Variants in GPR39 observed in about 807,000 individuals in gnomAD.
GPR39 encodes zinc sensing receptor.
A neutral mutation model predicts 18.4 loss-of-function variants in GPR39; 23 were observed. That is an observed-to-expected ratio of 1.25 (90% CI 0.90 to 1.77). The LOEUF is 1.77. GPR39 is among the 40% of genes most tolerant of loss of function. The pLI, the probability that GPR39 is intolerant of heterozygous loss-of-function variation, is 0.00. For synonymous variants in GPR39, 280 were observed against 257.9 expected (o/e 1.09, Z -0.82); for missense variants, 647 against 602.4 (o/e 1.07, Z -0.78).
Position 132,603,553 on chromosome 2 carries a change from G to A in GPR39, c.857-41548G>A, listed in dbSNP as rs570322471. ...TTCCCTACACAAAGAAATGAGAAAT[G>A]TTTGAGGTGATAAGCATGCTAATTT... On this transcript the variant is annotated intron_variant, in intron 1 of 1. Transcript: ENST00000329321. Among the ~76,000 whole-genome samples, 83 of 152,276 alleles carry A rather than the reference G, an allele frequency of 5.5e-4. No individual in the cohort carries two copies. The South Asian group carries it at 0.017, about 31-fold the overall frequency.
At chr2:132,513,266 A>T (rs563378499) in intron 1 of GPR39, among the ~76,000 whole-genome samples, 1 of 151,542 alleles carries the variant, frequency 6.6e-6, no homozygotes, top group East Asian at 2.0e-4. Flanking sequence ...CACTAAAGCC[A>T]GTGCAGAATC....
chr2:132,582,244 G>A (rs1036928046), intron 1 of GPR39, among the ~76,000 whole-genome samples: 1 of 152,230 alleles, frequency 6.6e-6, no homozygotes, highest in African/African-American at 2.4e-5. Flanking sequence ...CACATGCAGG[G>A]AAGAGGCTGG....
chr2:132,452,510 G>T (rs1484953846), intron 1 of GPR39, among the ~76,000 whole-genome samples: 1 of 151,550 alleles, frequency 6.6e-6, no homozygotes, highest in Non-Finnish European at 1.5e-5. Context: ...TAAGTTCTAG[G>T]GTACATGTGC....
At chr2:132,428,463 T>TGA (rs1680167949) in intron 1 of GPR39, among the ~76,000 whole-genome samples, 1 of 152,204 alleles carries the variant, frequency 6.6e-6, no homozygotes, top group African/African-American at 2.4e-5. Context: ...AAGCTAGTTC[T>TGA]AGTAAATGTT....
intron 1 of GPR39, among the ~76,000 whole-genome samples, chr2:132,610,988 G>GT (rs758043051): frequency 5.3e-5 from 8 of 152,066 alleles, no homozygotes; most frequent in Non-Finnish European, 8.8e-5. Context: ...CATTTCATTG[G>GT]TTAGGCCACA....
chr2:132,634,135 G>A (rs1681705457), intron 1 of GPR39, among the ~76,000 whole-genome samples: 1 of 149,220 alleles, frequency 6.7e-6, no homozygotes, highest in African/African-American at 2.6e-5. Context: ...AGGAGCAGTG[G>A]TATGGTGATA....
At chr2:132,433,063 G>A (rs1680251243) in intron 1 of GPR39, among the ~76,000 whole-genome samples, 4 of 151,896 alleles carry the variant, frequency 2.6e-5, no homozygotes. Context: ...ACAAACAAAT[G>A]GTAAAGCTTA....
chr2:132,504,205 G>T (rs1211789603), intron 1 of GPR39, among the ~76,000 whole-genome samples: 1 of 152,170 alleles, frequency 6.6e-6, no homozygotes, highest in Non-Finnish European at 1.5e-5. Context: ...CCAAGCAGGA[G>T]CTGCAAGCTA....
rs1162849834 is a variant in GPR39, at chr2:132,520,730, A to G, written c.856+102832A>G. ...GTGGGTAGAGGGAGGATGCCTGAAC[A>G]GTCAGGAGTTTAATGTCCATCTTGA... On this transcript the variant is annotated intron_variant, in intron 1 of 1. Transcript: ENST00000329321. Among the ~76,000 whole-genome samples the G allele has an allele frequency of 1.3e-5, 2 of 152,338 alleles. 1 individual carries two copies. The highest frequency in any genetic ancestry group is 4.1e-4 in the South Asian group (2 of 4,830).
rs953550869 is a variant in GPR39 at position 132,417,599 on chromosome 2, A to G, written c.557A>G (p.His186Arg). ...TEYPLVNVPS[H>R]RGLTCNRSST... ...TACCCCCTGGTGAACGTGCCCAGCC[A>G]CCGGGGTCTCACTTGCAACCGCTCC... The change falls in exon 1 of 2, where the codon CAC becomes CGC. Residue 186 changes from histidine to arginine, a missense_variant. Physicochemically the swap from His to Arg is conservative, Grantham distance 29 (BLOSUM62 0). Around this residue, in one of 3 missense-constraint regions of GPR39, gnomAD observed 581 missense variants for 506.8 expected, o/e 1.15. Coordinates refer to ENST00000329321, the MANE Select transcript of GPR39 (RefSeq NM_001508.3). The G allele has an allele frequency of 2.5e-6, 4 of 1,613,892 alleles. No homozygotes were observed. The Admixed American group carries it at 5.0e-5, about 20-fold the overall frequency.
At chr2:132,525,677 C>T (rs16833598) in intron 1 of GPR39, among the ~76,000 whole-genome samples, 26,477 of 152,162 alleles carry the variant, frequency 0.17, 2,835 homozygotes, top group African/African-American at 0.29. Flanking sequence ...GGCCGTCAGA[C>T]ATACAGCAAG....
chr2:132,427,883 A>G (rs1043541012), intron 1 of GPR39, among the ~76,000 whole-genome samples: 4 of 143,598 alleles, frequency 2.8e-5, no homozygotes, highest in Non-Finnish European at 4.5e-5. Flanking sequence ...CTTCATATAT[A>G]TATATAATAT....
At chr2:132,441,250 C>T (rs1680433218) in intron 1 of GPR39, among the ~76,000 whole-genome samples, 1 of 152,054 alleles carries the variant, frequency 6.6e-6, no homozygotes, top group Admixed American at 6.6e-5. Context: ...GATGCAGAGC[C>T]CTGGGAGGGA....
chr2:132,553,961 T>C (rs1656094388), intron 1 of GPR39, among the ~76,000 whole-genome samples: 2 of 152,132 alleles, frequency 1.3e-5, no homozygotes, highest in South Asian at 2.1e-4. Flanking sequence ...AAGATGCTTG[T>C]TGCCACAGCA....
intron 1 of GPR39, among the ~76,000 whole-genome samples, chr2:132,429,275 G>C (rs142491335): frequency 6.6e-6 from 1 of 152,146 alleles, no homozygotes; most frequent in Non-Finnish European, 1.5e-5. Flanking sequence ...AAAAGAAAAC[G>C]CTCTGTAGTC....
At chr2:132,635,451 G>C (rs369872708) in intron 1 of GPR39, among the ~76,000 whole-genome samples, 5 of 152,300 alleles carry the variant, frequency 3.3e-5, no homozygotes, top group African/African-American at 9.6e-5. Context: ...GTCAAGGAAG[G>C]CTCCCTGGAA....
intron 1 of GPR39, among the ~76,000 whole-genome samples, chr2:132,471,885 A>G (rs745638847): frequency 1.2e-4 from 19 of 152,114 alleles, no homozygotes; most frequent in Non-Finnish European, 1.9e-4. Flanking sequence ...TTTCCAACAA[A>G]AGCTCTGCAA....
chr2:132,420,164 G>A lies in GPR39; in HGVS notation c.856+2266G>A, dbSNP rs190098687. Among the ~76,000 whole-genome samples the A allele has an allele frequency of 1.4e-4, 22 of 152,254 alleles. No individual in the cohort carries two copies. The East Asian group carries it at 3.3e-3, about 23-fold the overall frequency. On this transcript the variant is annotated intron_variant, in intron 1 of 1. Coordinates refer to ENST00000329321, the MANE Select transcript of GPR39 (RefSeq NM_001508.3). Reference sequence around the variant, plus strand: ...ATGTTAATCGCCCACTGTGTTCTCAGCATAAAGATTGTTGAATGGCAATCA... The same window carrying A: ...ATGTTAATCGCCCACTGTGTTCTCAACATAAAGATTGTTGAATGGCAATCA...
intron 1 of GPR39, among the ~76,000 whole-genome samples, chr2:132,605,736 C>G (rs909522714): frequency 1.3e-5 from 2 of 152,212 alleles, no homozygotes; most frequent in Admixed American, 1.3e-4. Context: ...ATTAAGAATC[C>G]CTGAGGGGTG....
Sources: gnomAD v4.1 joint callset for allele counts (sites outside exome capture counted in the v4.1 genomes callset) on GRCh38, gnomAD v4.1.1 for gene constraint, gnomAD v4.1.1 regional missense constraint, MANE v1.5 for transcripts, NCBI Gene and HGNC (gene_info 2026-07-23, HGNC 2026-07-21) for gene names.